PI4KA: variants seen among roughly 807,000 people sequenced by gnomAD.
PI4KA encodes the protein PI4-kinase alpha.
A neutral mutation model predicts 271.4 loss-of-function variants in PI4KA; 122 were observed. The observed-to-expected ratio is 0.45, with a 90% CI of 0.39 to 0.52. The LOEUF is 0.52. PI4KA is among the 20% of genes least tolerant of loss of function. The probability of loss-of-function intolerance (pLI) is 0.00; values close to 1 mark genes in which losing one functional copy is unlikely to be tolerated. For missense variants in PI4KA, 1,969 were observed against 2,769.1 expected, an observed-to-expected ratio of 0.71 and a Z score of 6.48; for synonymous variants, 1,041 against 1,078.8, an observed-to-expected ratio of 0.96 and a Z score of 0.69.
chr22:20,761,884 T>C (rs1383175613), intron 22 of PI4KA, among the ~76,000 whole-genome samples: 1 of 151,902 alleles, frequency 6.6e-6, no homozygotes, highest in Non-Finnish European at 1.5e-5. Flanking sequence ...CATGTGTATG[T>C]GTAGGCTATG....
Position 20,733,827 on chromosome 22 carries a change from G to A in PI4KA, c.4069C>T (p.Leu1357=), listed in dbSNP as rs1190514935. The A allele has an allele frequency of 1.2e-6, 2 of 1,612,196 alleles. No homozygotes were observed. Among genetic ancestry groups the A allele is most frequent in the South Asian group, 1.1e-5 (1 of 90,998 alleles). ...ACCACATCGGCATGCAGGAGGGACA[G>A]CCCCAGGGTCAGCAGCCTGTGAGGG... ...GPRFKLLTLG[L]SLLHADVVPN... The change falls in exon 35 of 55, where the codon CTG becomes TTG. Residue 1357 remains leucine, a synonymous_variant. Transcript: ENST00000255882.
At chr22:20,718,470 C>T (rs573280023) in intron 44 of PI4KA, among the ~76,000 whole-genome samples, 29 of 152,314 alleles carry the variant, frequency 1.9e-4, no homozygotes, top group Admixed American at 7.8e-4. Flanking sequence ...CTGGCGTGGC[C>T]GTGCATTCTG....
At chr22:20,779,056 A>G in intron 19 of PI4KA, 2 of 894,826 alleles carry the variant, frequency 2.2e-6, no homozygotes, top group Non-Finnish European at 3.2e-6. Context: ...CAAACCTTTA[A>G]AGAAGGGATT....
At chr22:20,830,961 CG>C (rs2147746023) in intron 3 of PI4KA, among the ~76,000 whole-genome samples, 1 of 152,158 alleles carries the variant, frequency 6.6e-6, no homozygotes, top group East Asian at 1.9e-4. Flanking sequence ...TTAGTGGAAA[CG>C]GGGTTTCACC....
intron 25 of PI4KA, 76 bp from the exon 26 acceptor site, chr22:20,751,831 G>T: frequency 1.6e-6 from 2 of 1,275,548 alleles, no homozygotes; most frequent in South Asian, 1.2e-5. Flanking sequence ...CCCCTCAGCT[G>T]CCAGCCCGAG....
chr22:20,777,219 CTTT>C (rs374097207), intron 19 of PI4KA, among the ~76,000 whole-genome samples: 2 of 140,976 alleles, frequency 1.4e-5, no homozygotes, highest in African/African-American at 2.6e-5. Context: ...TTTTTCTTTT[CTTT>C]TTTTTTTTTT....
At chr22:20,710,673 C>A (rs1925141501) in intron 52 of PI4KA, 26 bp downstream of exon 52, 2 of 1,613,660 alleles carry the variant, frequency 1.2e-6, no homozygotes, top group Admixed American at 3.3e-5. Context: ...CCCTCCGCCT[C>A]CACCCTGGCC....
At chr22:20,856,562 G>A (rs1486909791) in intron 1 of PI4KA, among the ~76,000 whole-genome samples, 2 of 151,212 alleles carry the variant, frequency 1.3e-5, no homozygotes, top group African/African-American at 4.9e-5. Context: ...AGCCTCCCAA[G>A]TAGCTGGGAT....
chr22:20,730,214 G>A (rs1385887538), intron 36 of PI4KA, among the ~76,000 whole-genome samples: 2 of 152,164 alleles, frequency 1.3e-5, no homozygotes, highest in Admixed American at 1.3e-4. Context: ...AACTATTCTA[G>A]ATGGAATGTT....
chr22:20,807,832 T>A (rs1312018402), intron 9 of PI4KA, among the ~76,000 whole-genome samples: 1 of 152,130 alleles, frequency 6.6e-6, no homozygotes, highest in African/African-American at 2.4e-5. Flanking sequence ...ACACTGTCCA[T>A]CATCCCAAGG....
At chr22:20,710,510 A>T in intron 52 of PI4KA, 189 bp downstream of exon 52, 2 of 637,146 alleles carry the variant, frequency 3.1e-6, no homozygotes, top group Non-Finnish European at 5.6e-6. Context: ...GGTTGGAATT[A>T]GATGTCCAGA....
chr22:20,828,791 A>G (rs1040899169), intron 3 of PI4KA, among the ~76,000 whole-genome samples: 7 of 151,832 alleles, frequency 4.6e-5, no homozygotes, highest in African/African-American at 1.7e-4. Context: ...CTGACCTCGT[A>G]ATCCGCCCAC....
At chr22:20,747,179 C>A (rs945542590) in intron 29 of PI4KA, among the ~76,000 whole-genome samples, 2 of 152,198 alleles carry the variant, frequency 1.3e-5, no homozygotes, top group African/African-American at 4.8e-5. Context: ...CATTCATGTG[C>A]GGTTCAGCAC....
chr22:20,719,341 G>A (rs1357960099), intron 43 of PI4KA, among the ~76,000 whole-genome samples: 1 of 151,416 alleles, frequency 6.6e-6, no homozygotes, highest in African/African-American at 2.4e-5. Flanking sequence ...TAAATTCCTG[G>A]GCTCAAGAGA....
intron 1 of PI4KA, among the ~76,000 whole-genome samples, chr22:20,847,117 C>T (rs1359767112): frequency 6.8e-6 from 1 of 147,192 alleles, no homozygotes; most frequent in African/African-American, 2.5e-5. Flanking sequence ...CACTGCACTC[C>T]AGACTGGGCA....
intron 1 of PI4KA, among the ~76,000 whole-genome samples, chr22:20,839,560 G>A (rs995267837): frequency 1.5e-4 from 23 of 152,150 alleles, no homozygotes; most frequent in African/African-American, 4.8e-4. Context: ...GGCCAGGAGC[G>A]GTGGCTCACG....
Position 20,816,623 on chromosome 22 carries a change from C to T in PI4KA, c.856+1860G>A, listed in dbSNP as rs142301541. On this transcript the variant is annotated intron_variant, in intron 7 of 54. Transcript: ENST00000255882. ...CTCCAGCCTGGGTGACAGAGCAGGACCCCAACTCAAAAAAAAGAAAAAGTC... is the reference window on the plus strand; with the variant it reads ...CTCCAGCCTGGGTGACAGAGCAGGATCCCAACTCAAAAAAAAGAAAAAGTC... 5.6e-3 allele frequency among the ~76,000 whole-genome samples: 858 copies of T among 152,180 alleles called. 5 individuals carry two copies. The highest frequency in any genetic ancestry group is 0.019 in the African/African-American group (796 of 41,504).
At position 20,733,837 on chromosome 22, in the gene PI4KA, C is replaced by T. The variant is rs1163944379; in HGVS notation, c.4059G>A (p.Leu1353=). The change falls in exon 35 of 55, where the codon CTG becomes CTA. Residue 1353 remains leucine, a synonymous_variant. Coordinates refer to ENST00000255882, the MANE Select transcript of PI4KA (RefSeq NM_058004.4). ...VAAIGPRFKL[L]TLGLSLLHAD... ...CATGCAGGAGGGACAGCCCCAGGGT[C>T]AGCAGCCTGTGAGGGAGCCCCGGAC... 3.7e-6 allele frequency: 6 copies of T among 1,612,144 alleles called. No homozygotes were observed. In the East Asian group the frequency reaches 6.7e-5, roughly 18 times the overall value.
At chr22:20,721,154 G>A (rs889061484) in intron 43 of PI4KA, 144 bp downstream of exon 43, 1 of 807,966 alleles carries the variant, frequency 1.2e-6, no homozygotes, top group African/African-American at 1.7e-5. Context: ...GCTGAAAGGT[G>A]AGAAGTGCCC....
Sources: allele counts gnomAD v4.1 joint callset (sites outside exome capture counted in the v4.1 genomes callset), GRCh38; gene constraint gnomAD v4.1.1; transcripts MANE v1.5; gene names NCBI Gene and HGNC (gene_info 2026-07-23, HGNC 2026-07-21).